Variants in SH3RF2 observed in about 807,000 individuals in gnomAD.
The protein encoded by SH3RF2 is SH3 domain containing ring finger 2.
Under a neutral mutation model 59.0 loss-of-function variants are expected in SH3RF2, and 43 were observed. The observed-to-expected ratio is 0.73, with a 90% confidence interval of 0.57 to 0.94. The LOEUF (loss-of-function observed/expected upper bound fraction) is 0.94, where lower values mean the gene tolerates loss of function less well. SH3RF2 is among the 40% of genes least tolerant of loss of function. The pLI, the probability that SH3RF2 is intolerant of heterozygous loss-of-function variation, is 0.00. For missense variants in SH3RF2, 930 were observed against 940.1 expected (o/e 0.99, Z 0.14); for synonymous variants, 391 against 391.5 (o/e 1.00, Z 0.01).
At chr5:146,077,315 TC>T (rs758711160) in intron 9 of SH3RF2, among the ~76,000 whole-genome samples, 23 of 152,216 alleles carry the variant, frequency 1.5e-4, no homozygotes, top group African/African-American at 4.6e-4. Flanking sequence ...TGTGTGAGGA[TC>T]ATAGGAATGC....
intron 5 of SH3RF2, among the ~76,000 whole-genome samples, chr5:146,032,081 C>T (rs1432102106): frequency 1.3e-5 from 2 of 152,196 alleles, no homozygotes; most frequent in African/African-American, 4.8e-5. Context: ...TCTCTGCTTC[C>T]TTTATGGTGT....
In SH3RF2 at chr5:146,062,762, T is replaced by C; in HGVS notation, c.*61T>C. The C allele has an allele frequency of 6.4e-7, 1 of 1,551,228 alleles. No homozygotes were observed. The highest frequency in any genetic ancestry group is 8.7e-7 in the Non-Finnish European group (1 of 1,145,916). ...GAATTGCATTTAAATACAGTCTGCC[T>C]CCACTGAGGGCATCCTGCCATTCTT... On this transcript the variant is annotated 3_prime_UTR_variant, in exon 10 of 10. Transcript: ENST00000359120.
intron 2 of SH3RF2, among the ~76,000 whole-genome samples, chr5:145,939,750 G>T (rs527618918): frequency 2.2e-4 from 33 of 152,114 alleles, no homozygotes; most frequent in Non-Finnish European, 4.9e-4. Context: ...TGCCTTGTTT[G>T]TAGAGAAAAG....
intron 5 of SH3RF2, 54 bp downstream of exon 5, chr5:146,014,115 T>C (rs1254314894): frequency 6.3e-7 from 1 of 1,577,714 alleles, no homozygotes; most frequent in South Asian, 1.1e-5. Flanking sequence ...AAGTGATTCA[T>C]ACCATGTCAC....
intron 4 of SH3RF2, among the ~76,000 whole-genome samples, chr5:146,012,920 T>C (rs556102046): frequency 3.3e-5 from 5 of 152,264 alleles, no homozygotes; most frequent in African/African-American, 9.6e-5. Context: ...TGTTTAACCA[T>C]TGGTGGCTTG....
At chr5:146,008,805 A>T (rs911244648) in intron 4 of SH3RF2, among the ~76,000 whole-genome samples, 1 of 152,130 alleles carries the variant, frequency 6.6e-6, no homozygotes, top group East Asian at 1.9e-4. Context: ...CCAACTCATA[A>T]GTGCTGGCAA....
chr5:146,081,111 T>G (rs530246305), exon 10 of SH3RF2: 1 of 152,196 alleles, frequency 6.6e-6, no homozygotes. Flanking sequence ...AATTTTCTAG[T>G]AAGAAGAAAA....
At chr5:145,973,545 T>C (rs1395981097) in intron 2 of SH3RF2, among the ~76,000 whole-genome samples, 3 of 152,356 alleles carry the variant, frequency 2.0e-5, no homozygotes, top group Admixed American at 2.0e-4. Flanking sequence ...TGAGAAGTCA[T>C]TGAATTCTCT....
intron 2 of SH3RF2, among the ~76,000 whole-genome samples, chr5:145,972,226 G>A (rs1417299658): frequency 6.6e-6 from 1 of 151,654 alleles, no homozygotes; most frequent in Non-Finnish European, 1.5e-5. Flanking sequence ...ATAAATCTTT[G>A]ATAAAAAATT....
intron 2 of SH3RF2, among the ~76,000 whole-genome samples, chr5:145,980,185 G>A (rs1018208253): frequency 1.3e-4 from 20 of 152,298 alleles, no homozygotes; most frequent in Admixed American, 5.9e-4. Flanking sequence ...AGGACCAGCT[G>A]TTGATTATTC....
Position 145,937,877 on chromosome 5 carries a change from C to CCTA in SH3RF2, c.-50_-48dup. 3.8e-6 allele frequency: 6 copies of CCTA among 1,566,580 alleles called. No individual in the cohort carries two copies. The highest frequency in any genetic ancestry group is 5.2e-6 in the Non-Finnish European group (6 of 1,157,502). On this transcript the variant is annotated 5_prime_UTR_variant, in exon 2 of 10. Coordinates refer to ENST00000359120, the MANE Select transcript of SH3RF2 (RefSeq NM_152550.4). ...GCTCTGCCCCCGTGGCTCAACTGAC[C>CCTA]CTACCATGTGGACGCTGCTCCTCCA...
intron 9 of SH3RF2, among the ~76,000 whole-genome samples, chr5:146,070,746 T>C (rs1269641330): frequency 6.6e-6 from 1 of 152,158 alleles, no homozygotes; most frequent in Non-Finnish European, 1.5e-5. Flanking sequence ...TTGCTGGTGT[T>C]TATCCGAAGT....
intron 2 of SH3RF2, among the ~76,000 whole-genome samples, chr5:145,987,339 G>T (rs973384317): frequency 1.3e-5 from 2 of 151,948 alleles, no homozygotes; most frequent in Non-Finnish European, 2.9e-5. Flanking sequence ...TTTATCCCTC[G>T]CACCCTTCCC....
intron 2 of SH3RF2, among the ~76,000 whole-genome samples, chr5:145,965,701 C>A (rs1758832286): frequency 6.6e-6 from 1 of 152,126 alleles, no homozygotes; most frequent in Admixed American, 6.6e-5. Context: ...CACCAGCCAC[C>A]ATATGCCAGC....
chr5:146,037,076 A>G lies in SH3RF2; in HGVS notation c.1060-10696A>G, dbSNP rs570627884. ...GTCCTACTGTCTGCTTCTTCTCCCC[A>G]GACATCTGCTTTGTATGTCTCCTAT... On this transcript the variant is annotated intron_variant, in intron 5 of 9. Coordinates refer to ENST00000359120, the MANE Select transcript of SH3RF2 (RefSeq NM_152550.4). 2.6e-5 allele frequency among the ~76,000 whole-genome samples: 4 copies of G among 152,312 alleles called. No individual in the cohort carries two copies. In the East Asian group the frequency reaches 5.8e-4, roughly 22 times the overall value.
At chr5:145,985,640 C>T (rs926629512) in intron 2 of SH3RF2, among the ~76,000 whole-genome samples, 2 of 152,132 alleles carry the variant, frequency 1.3e-5, no homozygotes, top group Admixed American at 6.6e-5. Context: ...ACCATTTTGC[C>T]AATTTGGTTT....
chr5:145,985,922 T>C (rs1759682089), intron 2 of SH3RF2, among the ~76,000 whole-genome samples: 1 of 152,058 alleles, frequency 6.6e-6, no homozygotes, highest in Non-Finnish European at 1.5e-5. Flanking sequence ...GAGGATCTCT[T>C]GAGCCCAGGA....
intron 5 of SH3RF2, among the ~76,000 whole-genome samples, chr5:146,027,595 C>T (rs145427920): frequency 3.9e-5 from 6 of 152,194 alleles, no homozygotes; most frequent in Non-Finnish European, 8.8e-5. Context: ...AGGTATTAAG[C>T]GTGCAAAGTG....
At chr5:146,028,154 G>A (rs1761601429) in intron 5 of SH3RF2, among the ~76,000 whole-genome samples, 1 of 144,016 alleles carries the variant, frequency 6.9e-6, no homozygotes. Context: ...CAAGGCCAAT[G>A]AGGCCTGCAA....
Sources: allele counts gnomAD v4.1 joint callset (sites outside exome capture counted in the v4.1 genomes callset), GRCh38; gene constraint gnomAD v4.1.1; transcripts MANE v1.5; gene names NCBI Gene and HGNC (gene_info 2026-07-23, HGNC 2026-07-21).